Variants in ERC1 observed in about 807,000 individuals in gnomAD.
ERC1 encodes the protein RAB6 interacting protein 2.
Under a neutral mutation model 132.0 loss-of-function variants are expected in ERC1, and 56 were observed. The ratio of observed to expected loss-of-function variants is 0.42; its 90% CI spans 0.34 to 0.53. ERC1 has a LOEUF of 0.53. Ranked by LOEUF, ERC1 falls within the 20% of genes least tolerant of loss-of-function variation. ERC1 has a pLI of 0.03. For missense variants in ERC1, 1,202 were observed against 1,349.9 expected (o/e 0.89, Z 1.72); for synonymous variants, 478 against 476.1 (o/e 1.00, Z -0.05).
intron 15 of ERC1, among the ~76,000 whole-genome samples, chr12:1,366,725 G>C (rs1341147521): frequency 1.1e-4 from 17 of 152,172 alleles, no homozygotes; most frequent in Admixed American, 1.1e-3. Flanking sequence ...AGATAAAAGG[G>C]TGGGAGTGAC....
intron 8 of ERC1, among the ~76,000 whole-genome samples, chr12:1,147,606 C>T (rs1424419612): frequency 6.6e-6 from 1 of 152,174 alleles, no homozygotes; most frequent in East Asian, 1.9e-4. Context: ...GTAATTTTTA[C>T]TATGATTAAT....
At chr12:1,326,849 G>A (rs542990585) in intron 15 of ERC1, among the ~76,000 whole-genome samples, 139 of 151,504 alleles carry the variant, frequency 9.2e-4, no homozygotes, top group African/African-American at 3.0e-3. Context: ...AGTGTGTGAC[G>A]TAGTCACATT....
chr12:1,014,347 G>A (rs550458191), intron 1 of ERC1, among the ~76,000 whole-genome samples: 1 of 151,168 alleles, frequency 6.6e-6, no homozygotes, highest in South Asian at 2.1e-4. Context: ...GGCTAATGTT[G>A]GTATTTTTGG....
chr12:1,006,558 AT>A (rs941432378), intron 1 of ERC1, among the ~76,000 whole-genome samples: 10 of 151,350 alleles, frequency 6.6e-5, no homozygotes, highest in Non-Finnish European at 1.3e-4. Context: ...CATTTTTGTA[AT>A]TTTTTTTGTT....
chr12:1,103,659 T>A (rs1024996075), intron 3 of ERC1, among the ~76,000 whole-genome samples: 10 of 152,082 alleles, frequency 6.6e-5, no homozygotes, highest in African/African-American at 2.4e-4. Flanking sequence ...TTAAGAAGAC[T>A]CATAGGTTTG....
At chr12:1,155,544 C>T (rs558886817) in intron 8 of ERC1, among the ~76,000 whole-genome samples, 79 of 151,832 alleles carry the variant, frequency 5.2e-4, no homozygotes, top group Middle Eastern at 6.8e-3. Context: ...GGCGCCATCT[C>T]GGCTCACTGC....
intron 2 of ERC1, among the ~76,000 whole-genome samples, chr12:1,073,251 A>G (rs1204263436): frequency 1.3e-5 from 2 of 151,940 alleles, no homozygotes; most frequent in Non-Finnish European, 2.9e-5. Flanking sequence ...CAGTGAGCTG[A>G]GATCACGCCA....
At chr12:1,341,069 CTTTTTTTT>C (rs35902573) in intron 15 of ERC1, among the ~76,000 whole-genome samples, 9 of 63,148 alleles carry the variant, frequency 1.4e-4, no homozygotes, top group African/African-American at 3.1e-4. Flanking sequence ...TTTTCTTTTT[CTTTTTTTT>C]TTTTTTTTTT....
intron 2 of ERC1, among the ~76,000 whole-genome samples, chr12:1,038,064 GA>G (rs1162757641): frequency 6.6e-6 from 1 of 151,354 alleles, no homozygotes; most frequent in Non-Finnish European, 1.5e-5. Flanking sequence ...AAAAGAAAAA[GA>G]AAAAAACTAT....
chr12:1,083,115 C>T, intron 2 of ERC1, 49 bp from the exon 3 acceptor site: 1 of 1,520,086 alleles, frequency 6.6e-7, no homozygotes. Flanking sequence ...TGATTTGCTA[C>T]TTGAGGAGGA....
intron 15 of ERC1, among the ~76,000 whole-genome samples, chr12:1,307,757 C>G (rs751322698): frequency 5.9e-5 from 9 of 152,080 alleles, no homozygotes; most frequent in Non-Finnish European, 1.2e-4. Context: ...GATCAATGTC[C>G]TCTGTGGTAT....
intron 14 of ERC1, among the ~76,000 whole-genome samples, chr12:1,288,223 T>G (rs1371270158): frequency 1.3e-5 from 2 of 152,236 alleles, no homozygotes; most frequent in African/African-American, 2.4e-5. Context: ...ATGTAAAGCT[T>G]GCAGATATGC....
At chr12:1,439,819 C>A (rs1000315912) in intron 17 of ERC1, among the ~76,000 whole-genome samples, 1 of 152,156 alleles carries the variant, frequency 6.6e-6, no homozygotes, top group South Asian at 2.1e-4. Context: ...TCCCTCTTCC[C>A]TCTTGAGATT....
chr12:1,217,897 T>C (rs1430501339), intron 12 of ERC1, among the ~76,000 whole-genome samples: 1 of 152,196 alleles, frequency 6.6e-6, no homozygotes, highest in African/African-American at 2.4e-5. Context: ...CTACACTGCC[T>C]CTGCCCTGAG....
intron 15 of ERC1, among the ~76,000 whole-genome samples, chr12:1,308,895 T>C (rs2081079699): frequency 6.6e-6 from 1 of 152,076 alleles, no homozygotes; most frequent in African/African-American, 2.4e-5. Context: ...TATTAGGAGG[T>C]GTGGAGCCTT....
At chr12:1,456,819 G>A (rs1471265722) in intron 18 of ERC1, among the ~76,000 whole-genome samples, 2 of 151,912 alleles carry the variant, frequency 1.3e-5, no homozygotes. Flanking sequence ...AGAGGGTGGG[G>A]CCCTCAGAAT....
chr12:1,188,710 C>A lies in ERC1; in HGVS notation c.2158-1149C>A, dbSNP rs1014486441. On this transcript the variant is annotated intron_variant, in intron 11 of 18. Coordinates refer to ENST00000360905, the MANE Select transcript of ERC1 (RefSeq NM_178040.4). ...TGTTACTTTCACCAAGCGTTTAATA[C>A]AATTATATAAACATTTCTCATTTAC... Among the ~76,000 whole-genome samples, 6 of 152,266 alleles carry A rather than the reference C, an allele frequency of 3.9e-5. No homozygotes were observed. The South Asian group carries it at 1.0e-3, about 26-fold the overall frequency.
At chr12:990,776 A>G (rs1959174796), upstream of ERC1, 1 of 151,876 alleles carries the variant, frequency 6.6e-6, no homozygotes, top group African/African-American at 2.4e-5. Context: ...GTAACGGGCC[A>G]CGAGAAGTAG....
intron 16 of ERC1, among the ~76,000 whole-genome samples, chr12:1,394,519 T>C (rs1164613586): frequency 1.3e-5 from 2 of 152,220 alleles, no homozygotes; most frequent in African/African-American, 2.4e-5. Flanking sequence ...CCAAATCTCA[T>C]GTTGATTGTT....
Sources: gnomAD v4.1 joint callset for allele counts (sites outside exome capture counted in the v4.1 genomes callset) on GRCh38, gnomAD v4.1.1 for gene constraint, MANE v1.5 for transcripts, NCBI Gene and HGNC (gene_info 2026-07-23, HGNC 2026-07-21) for gene names.